Variants in RTN1 observed in about 807,000 individuals in gnomAD.
The protein encoded by RTN1 is reticulon 1.
RTN1 carries 25 observed loss-of-function variants against 65.5 expected under a neutral mutation model. The observed-to-expected ratio is 0.38, with a 90% CI of 0.28 to 0.53. RTN1 has a LOEUF of 0.53. Ranked by LOEUF, RTN1 falls within the 20% of genes least tolerant of loss-of-function variation. The pLI is 0.79. For synonymous variants in RTN1, 471 were observed against 447.6 expected (o/e 1.05, Z -0.66); for missense variants, 983 against 1,025.4 (o/e 0.96, Z 0.57).
At chr14:59,624,110 T>C (rs545742988) in intron 3 of RTN1, among the ~76,000 whole-genome samples, 1 of 152,358 alleles carries the variant, frequency 6.6e-6, no homozygotes, top group South Asian at 2.1e-4. Context: ...ATGCTGAGAT[T>C]ATGTTTTTTC....
chr14:59,719,666 T>C (rs1884607440), intron 3 of RTN1, among the ~76,000 whole-genome samples: 1 of 152,244 alleles, frequency 6.6e-6, no homozygotes, highest in Admixed American at 6.5e-5. Flanking sequence ...GAGTGTTTTG[T>C]GGGGTCACAA....
rs944508086 is a variant in RTN1 at position 59,843,533 on chromosome 14, A to C, written c.241+26857T>G. On this transcript the variant is annotated intron_variant, in intron 1 of 8. Transcript: ENST00000267484. Reference sequence around the variant, plus strand: ...CAGTCTGACAGGTGGATGATGTTTAATACATTATAGCTATTATTGTTATTC... The same window carrying C: ...CAGTCTGACAGGTGGATGATGTTTACTACATTATAGCTATTATTGTTATTC... Among the ~76,000 whole-genome samples, 3 of 152,248 alleles carry C rather than the reference A, an allele frequency of 2.0e-5. No homozygotes were observed. In the South Asian group the frequency reaches 6.2e-4, roughly 31 times the overall value.
At chr14:59,743,018 G>T (rs1170990605) in intron 2 of RTN1, among the ~76,000 whole-genome samples, 1 of 152,184 alleles carries the variant, frequency 6.6e-6, no homozygotes, top group Non-Finnish European at 1.5e-5. Flanking sequence ...TGTATATGGA[G>T]AGAGGAGCTG....
chr14:59,869,167 T>C (rs1464680766), intron 1 of RTN1, among the ~76,000 whole-genome samples: 1 of 152,088 alleles, frequency 6.6e-6, no homozygotes, highest in Non-Finnish European at 1.5e-5. Context: ...AGCTCAGATC[T>C]TCTGTACCAG....
intron 3 of RTN1, among the ~76,000 whole-genome samples, chr14:59,644,837 T>G (rs1292228186): frequency 6.6e-6 from 1 of 151,776 alleles, no homozygotes; most frequent in Non-Finnish European, 1.5e-5. Context: ...TGCTTCTCTT[T>G]CCATGGGTCC....
At chr14:59,688,568 G>T (rs1018340714) in intron 3 of RTN1, among the ~76,000 whole-genome samples, 26 of 152,108 alleles carry the variant, frequency 1.7e-4, no homozygotes, top group African/African-American at 5.3e-4. Flanking sequence ...AACTTCTCCC[G>T]GTAAGCAAGG....
intron 2 of RTN1, among the ~76,000 whole-genome samples, chr14:59,744,019 C>T (rs1294797361): frequency 6.6e-6 from 1 of 152,160 alleles, no homozygotes; most frequent in African/African-American, 2.4e-5. Context: ...GGACCTGGCG[C>T]AGTGAATCTT....
intron 3 of RTN1, among the ~76,000 whole-genome samples, chr14:59,609,689 C>G (rs1409713833): frequency 6.6e-6 from 1 of 152,138 alleles, no homozygotes; most frequent in Non-Finnish European, 1.5e-5. Flanking sequence ...GGTCCGGGGC[C>G]TCCAGGTATT....
chr14:59,718,571 A>T (rs903868785), intron 3 of RTN1, among the ~76,000 whole-genome samples: 11 of 152,200 alleles, frequency 7.2e-5, no homozygotes, highest in Admixed American at 1.3e-4. Context: ...ATATTGGACC[A>T]TTCCAGCTCC....
At chr14:59,740,229 A>G (rs1207039500) in intron 2 of RTN1, among the ~76,000 whole-genome samples, 2 of 152,152 alleles carry the variant, frequency 1.3e-5, no homozygotes, top group Admixed American at 1.3e-4. Context: ...GGTACGCAAT[A>G]AATAGCACTC....
At chr14:59,861,707 T>C (rs951171632) in intron 1 of RTN1, among the ~76,000 whole-genome samples, 1 of 152,224 alleles carries the variant, frequency 6.6e-6, no homozygotes, top group Non-Finnish European at 1.5e-5. Context: ...ACATCACTAG[T>C]CCTAATTTTG....
intron 3 of RTN1, among the ~76,000 whole-genome samples, chr14:59,699,033 A>G (rs1050978539): frequency 6.6e-6 from 1 of 152,190 alleles, no homozygotes; most frequent in Non-Finnish European, 1.5e-5. Flanking sequence ...ACCCATTTGA[A>G]TCTGTTCCAG....
In RTN1 at chr14:59,632,950, A is replaced by AT. The variant is rs1325507242; in HGVS notation, c.1766-25459dup. ...TCTCTAAAAAAAATACAAAAAAAAA[A>AT]TTTTTTCCGGGCATGGTGGCATGCA... On this transcript the variant is annotated intron_variant, in intron 3 of 8. Coordinates refer to ENST00000267484, the MANE Select transcript of RTN1 (RefSeq NM_021136.3). 6.6e-5 allele frequency among the ~76,000 whole-genome samples: 10 copies of AT among 151,658 alleles called. No individual in the cohort carries two copies. In the South Asian group the frequency reaches 2.1e-3, roughly 32 times the overall value.
At chr14:59,635,182 T>C (rs1350680025) in intron 3 of RTN1, among the ~76,000 whole-genome samples, 1 of 152,158 alleles carries the variant, frequency 6.6e-6, no homozygotes, top group East Asian at 1.9e-4. Context: ...AAAGGCAGAT[T>C]ACCTCAGAGA....
At chr14:59,701,354 A>C (rs2139447885) in intron 3 of RTN1, among the ~76,000 whole-genome samples, 1 of 152,342 alleles carries the variant, frequency 6.6e-6, no homozygotes, top group East Asian at 1.9e-4. Context: ...ATGTGTCCTC[A>C]CAAAAACCTG....
intron 3 of RTN1, among the ~76,000 whole-genome samples, chr14:59,649,634 C>G (rs1206104570): frequency 1.3e-5 from 2 of 152,000 alleles, no homozygotes; most frequent in Admixed American, 6.5e-5. Flanking sequence ...ATGTGGCTAA[C>G]AAACATTTGA....
At chr14:59,610,490 T>C (rs932192754) in intron 3 of RTN1, among the ~76,000 whole-genome samples, 1 of 152,246 alleles carries the variant, frequency 6.6e-6, no homozygotes, top group Admixed American at 6.5e-5. Context: ...TATATAGGTA[T>C]GTCACAGGTG....
chr14:59,689,298 G>A (rs1000900274), intron 3 of RTN1, among the ~76,000 whole-genome samples: 13 of 152,282 alleles, frequency 8.5e-5, no homozygotes, highest in Admixed American at 2.6e-4. Context: ...AAGTCTTTTA[G>A]AAATATGGGA....
chr14:59,708,411 A>G (rs1474770771), intron 3 of RTN1, among the ~76,000 whole-genome samples: 1 of 152,242 alleles, frequency 6.6e-6, no homozygotes, highest in African/African-American at 2.4e-5. Context: ...CTGACATTGC[A>G]TAAGGTGTAA....
Sources: gnomAD v4.1 joint callset for allele counts (sites outside exome capture counted in the v4.1 genomes callset) on GRCh38, gnomAD v4.1.1 for gene constraint, MANE v1.5 for transcripts, NCBI Gene and HGNC (gene_info 2026-07-23, HGNC 2026-07-21) for gene names.